The following DMTF1 variants were observed in gnomAD, a reference collection of about 807,000 sequenced individuals.
The protein encoded by DMTF1 is cyclin D binding myb like transcription factor 1.
Under a neutral mutation model 91.1 loss-of-function variants are expected in DMTF1, and 39 were observed. The ratio of observed to expected loss-of-function variants is 0.43; its 90% CI spans 0.33 to 0.56. DMTF1 has a LOEUF of 0.56. Among genes scored for constraint, DMTF1 ranks in the 20% least tolerant of loss-of-function variants. DMTF1 has a pLI of 0.05. For synonymous variants in DMTF1, 338 were observed against 309.5 expected, an observed-to-expected ratio of 1.09 and a Z score of -0.97; for missense variants, 750 against 914.5, an observed-to-expected ratio of 0.82 and a Z score of 2.32.
In DMTF1 at chr7:87,188,172, G is replaced by T; in HGVS notation, c.1282G>T (p.Val428Phe). 6.2e-7 allele frequency: 1 copy of T among 1,613,922 alleles called. No individual in the cohort carries two copies. The change falls in exon 13 of 18, where the codon GTT becomes TTT. Residue 428 changes from valine (V) to phenylalanine (F), a missense_variant. Val to Phe is a conservative substitution (Grantham distance 50). Around this residue, in one of 3 missense-constraint regions of DMTF1, gnomAD observed 410 missense variants for 420.2 expected, o/e 0.98. Coordinates refer to ENST00000331242, the MANE Select transcript of DMTF1 (RefSeq NM_001142327.2). ...TTTGGAGAATAAATCAGGATCTGGA[G>T]TTCCAAACAGTAATACCAATTCCAG... ...TLLENKSGSGVPNSNTNSSVQ... is the reference protein window; with the variant it reads ...TLLENKSGSGFPNSNTNSSVQ...
At chr7:87,188,610 C>T (rs191474790) in intron 13 of DMTF1, among the ~76,000 whole-genome samples, 1 of 152,050 alleles carries the variant, frequency 6.6e-6, no homozygotes, top group African/African-American at 2.4e-5. Context: ...AGAAAACTAC[C>T]TAAAAAGCAG....
At chr7:87,185,604 G>T (rs1798237020) in intron 11 of DMTF1, among the ~76,000 whole-genome samples, 1 of 152,064 alleles carries the variant, frequency 6.6e-6, no homozygotes, top group Non-Finnish European at 1.5e-5. Context: ...TTAGCCCATT[G>T]GTTGTACCTT....
chr7:87,173,269 A>T (rs1458917421), intron 5 of DMTF1, among the ~76,000 whole-genome samples: 1 of 152,184 alleles, frequency 6.6e-6, no homozygotes, highest in Non-Finnish European at 1.5e-5. Context: ...ACTGAAGCCA[A>T]TAGTACATTT....
intron 5 of DMTF1, among the ~76,000 whole-genome samples, chr7:87,172,671 T>C (rs1289146019): frequency 6.6e-6 from 1 of 152,236 alleles, no homozygotes; most frequent in African/African-American, 2.4e-5. Flanking sequence ...TTGGGTTCAG[T>C]GGTCACTAAA....
chr7:87,191,654 G>A (rs1471670241), intron 14 of DMTF1, among the ~76,000 whole-genome samples: 1 of 152,080 alleles, frequency 6.6e-6, no homozygotes, highest in African/African-American at 2.4e-5. Context: ...TTGAAAAATA[G>A]GCTAAGTGAA....
chr7:87,180,093 G>A (rs1797015542), intron 8 of DMTF1, among the ~76,000 whole-genome samples: 1 of 152,042 alleles, frequency 6.6e-6, no homozygotes, highest in African/African-American at 2.4e-5. Flanking sequence ...AATCCAGAAT[G>A]GAAAAGAACT....
chr7:87,161,331 C>T lies in DMTF1; in HGVS notation c.-131-2164C>T, dbSNP rs566082189. ...TGGTCAACATGGTGAAACCCCATCT[C>T]TACTAAAAAAATACCAAAAAATTAG... On this transcript the variant is annotated intron_variant, in intron 1 of 17. Coordinates refer to ENST00000331242, the MANE Select transcript of DMTF1 (RefSeq NM_001142327.2). Among the ~76,000 whole-genome samples, 4 of 152,220 alleles carry T rather than the reference C, an allele frequency of 2.6e-5. No individual in the cohort carries two copies. In the South Asian group the frequency reaches 6.2e-4, roughly 24 times the overall value.
At chr7:87,187,726 C>T (rs952463770) in intron 12 of DMTF1, 9 of 237,836 alleles carry the variant, frequency 3.8e-5, no homozygotes, top group African/African-American at 1.2e-4. Flanking sequence ...ATACACTATT[C>T]GTTTAAAAAA....
In DMTF1 at chr7:87,182,214, G is replaced by T; in HGVS notation, c.711-14G>T. The T allele has an allele frequency of 6.2e-7, 1 of 1,614,030 alleles. No individual in the cohort carries two copies. The highest frequency in any genetic ancestry group is 8.5e-7 in the Non-Finnish European group (1 of 1,179,946). On this transcript the variant is annotated splice_polypyrimidine_tract_variant and intron_variant, in intron 9 of 17. Coordinates refer to ENST00000331242, the MANE Select transcript of DMTF1 (RefSeq NM_001142327.2). Reference sequence around the variant, plus strand: ...CAATTGAACCAAATGCTGATTGGCAGACTCTTGTTTTAGGCTCCGGATAAA... The same window carrying T: ...CAATTGAACCAAATGCTGATTGGCATACTCTTGTTTTAGGCTCCGGATAAA...
Position 87,188,313 on chromosome 7 carries a change from A to C in DMTF1, c.1411+12A>C. On this transcript the variant is annotated intron_variant, in intron 13 of 17. Coordinates refer to ENST00000331242, the MANE Select transcript of DMTF1 (RefSeq NM_001142327.2). ...GATCACCCATGTTTGTAAGTGTTTG[A>C]TCTTCAAGATTCCTTGCTGTTTGAT... 6.2e-7 allele frequency: 1 copy of C among 1,613,282 alleles called. No individual in the cohort carries two copies. The highest frequency in any genetic ancestry group is 8.5e-7 in the Non-Finnish European group (1 of 1,179,398).
chr7:87,193,824 A>G lies in DMTF1; in HGVS notation c.1750A>G (p.Ile584Val). 3 of 1,613,362 alleles carry G rather than the reference A, an allele frequency of 1.9e-6. No homozygotes were observed. Among genetic ancestry groups the G allele is most frequent in the Non-Finnish European group, 1.7e-6 (2 of 1,179,598 alleles). Reference protein sequence around the residue: ...TVATEDITSSISQAELTVDSD... With the variant: ...TVATEDITSSVSQAELTVDSD... ...TGCCACAGAGGACATCACTTCTTCCATATCCCAAGCAGAACTGACAGTCGA... is the reference window on the plus strand; with the variant it reads ...TGCCACAGAGGACATCACTTCTTCCGTATCCCAAGCAGAACTGACAGTCGA... The change falls in exon 16 of 18, where the codon ATA becomes GTA. Residue 584 changes from isoleucine (I) to valine (V), a missense_variant. By Grantham distance (29) the Ile-to-Val change is conservative (BLOSUM62 3). Coordinates refer to ENST00000331242, the MANE Select transcript of DMTF1 (RefSeq NM_001142327.2).
chr7:87,153,790 G>A (rs1028529073), intron 1 of DMTF1, among the ~76,000 whole-genome samples: 2 of 152,126 alleles, frequency 1.3e-5, no homozygotes, highest in Admixed American at 1.3e-4. Context: ...AATTATACCT[G>A]TATTTTTAAT....
At chr7:87,185,068 C>T (rs920891381) in intron 11 of DMTF1, 2 of 306,660 alleles carry the variant, frequency 6.5e-6, no homozygotes, top group African/African-American at 2.2e-5. Flanking sequence ...TACCTCCACA[C>T]CTCCAAAGTA....
chr7:87,167,569 A>G (rs1308067978), intron 4 of DMTF1, among the ~76,000 whole-genome samples: 1 of 151,862 alleles, frequency 6.6e-6, no homozygotes, highest in Non-Finnish European at 1.5e-5. Context: ...GGTTTTCAGC[A>G]TGGAAAATCA....
At chr7:87,185,690 C>G in intron 11 of DMTF1, 139 bp from the exon 12 acceptor site, 3 of 932,314 alleles carry the variant, frequency 3.2e-6, no homozygotes, top group Non-Finnish European at 4.9e-6. Context: ...GAATCCTTTC[C>G]CGTGTAACTT....
At position 87,181,896 on chromosome 7, in the gene DMTF1, G is replaced by A. The variant is rs1797456023; in HGVS notation, c.711-332G>A. ...ACTTTAGATGTCTAAAGAAGAGTTTGTTGGGTATATGCTCAAAAGGGAAAG... is the reference window on the plus strand; with the variant it reads ...ACTTTAGATGTCTAAAGAAGAGTTTATTGGGTATATGCTCAAAAGGGAAAG... On this transcript the variant is annotated intron_variant, in intron 9 of 17. Coordinates refer to ENST00000331242, the MANE Select transcript of DMTF1 (RefSeq NM_001142327.2). 4.9e-6 allele frequency: 3 copies of A among 609,530 alleles called. No individual in the cohort carries two copies. The South Asian group carries it at 5.9e-5, about 12-fold the overall frequency. The allele number at this position is 609,530 out of a possible 1,614,324, so 37.8% of individuals were successfully genotyped here. A position where few individuals can be genotyped will look rare whatever the true frequency, so the allele number is the denominator to read the frequency against.
chr7:87,182,397 G>A (rs1344827259), intron 10 of DMTF1, 60 bp downstream of exon 10: 2 of 1,537,300 alleles, frequency 1.3e-6, no homozygotes, highest in East Asian at 4.5e-5. Flanking sequence ...TGCCCCTTAG[G>A]ATACTGCCTT....
rs1375365140 is a variant in DMTF1 at position 87,195,147 on chromosome 7, T to C, written c.*7T>C. ...TTTGGTAAACTGTCATTAGAATAAT[T>C]CTTAGAAATAGGCAGTTCAAGCAAA... On this transcript the variant is annotated 3_prime_UTR_variant, in exon 18 of 18. Coordinates refer to ENST00000331242, the MANE Select transcript of DMTF1 (RefSeq NM_001142327.2). 3 of 1,593,232 alleles carry C rather than the reference T, an allele frequency of 1.9e-6. No individual in the cohort carries two copies. Among genetic ancestry groups the C allele is most frequent in the Non-Finnish European group, 2.6e-6 (3 of 1,162,268 alleles).
Position 87,190,531 on chromosome 7 carries a change from A to T in DMTF1, c.1412-414A>T, listed in dbSNP as rs564689623. 2.0e-5 allele frequency among the ~76,000 whole-genome samples: 3 copies of T among 152,178 alleles called. No individual in the cohort carries two copies. The South Asian group carries it at 6.2e-4, about 32-fold the overall frequency. ...TACCGTTAGAAACATTTAATCATGT[A>T]TACCAAGGGTTAGCAAACCTTTTCT... On this transcript the variant is annotated intron_variant, in intron 13 of 17. Coordinates refer to ENST00000331242, the MANE Select transcript of DMTF1 (RefSeq NM_001142327.2).
Sources: gnomAD v4.1 joint callset for allele counts (sites outside exome capture counted in the v4.1 genomes callset) on GRCh38, gnomAD v4.1.1 for gene constraint, gnomAD v4.1.1 regional missense constraint, MANE v1.5 for transcripts, NCBI Gene and HGNC (gene_info 2026-07-23, HGNC 2026-07-21) for gene names.